The following RCAN1 variants were observed in gnomAD, a reference collection of about 807,000 sequenced individuals.
The protein encoded by RCAN1 is calcipressin-1.
RCAN1 carries 11 observed loss-of-function variants against 22.9 expected under a neutral mutation model. The observed-to-expected ratio is 0.48, with a 90% CI of 0.30 to 0.79. RCAN1 has a LOEUF of 0.79. Among genes scored for constraint, RCAN1 ranks in the 30% least tolerant of loss-of-function variants. The pLI is 0.06. For synonymous variants in RCAN1, 136 were observed against 142.3 expected (o/e 0.96, Z 0.32); for missense variants, 291 against 337.8 (o/e 0.86, Z 1.09).
intron 1 of RCAN1, among the ~76,000 whole-genome samples, chr21:34,605,945 A>G (rs982335431): frequency 2.7e-5 from 4 of 150,498 alleles, no homozygotes; most frequent in African/African-American, 4.9e-5. Flanking sequence ...AAAAAAGATG[A>G]TGAGCAGCAC....
chr21:34,610,793 T>C (rs773791822), intron 1 of RCAN1, among the ~76,000 whole-genome samples: 24 of 152,220 alleles, frequency 1.6e-4, no homozygotes, highest in Non-Finnish European at 3.1e-4. Context: ...TCTACTCACA[T>C]AAAGAATGGA....
chr21:34,567,034 T>A (rs1359220216), intron 1 of RCAN1, among the ~76,000 whole-genome samples: 1 of 152,066 alleles, frequency 6.6e-6, no homozygotes, highest in Non-Finnish European at 1.5e-5. Context: ...GGGACAAACA[T>A]CCAAACTACA....
intron 1 of RCAN1, among the ~76,000 whole-genome samples, chr21:34,541,090 C>A (rs1322060211): frequency 6.6e-6 from 1 of 152,188 alleles, no homozygotes; most frequent in African/African-American, 2.4e-5. Context: ...TCTGTCCCTA[C>A]AGGGGCTTAA....
intron 1 of RCAN1, among the ~76,000 whole-genome samples, chr21:34,588,152 G>C (rs1394139338): frequency 6.6e-6 from 1 of 152,172 alleles, no homozygotes; most frequent in Non-Finnish European, 1.5e-5. Flanking sequence ...GAACGCTGTA[G>C]TCAATAAGCA....
chr21:34,558,253 T>C (rs1049123999), intron 1 of RCAN1, among the ~76,000 whole-genome samples: 7 of 152,166 alleles, frequency 4.6e-5, no homozygotes, highest in Non-Finnish European at 1.0e-4. Context: ...TGGGGTGCCC[T>C]GCTACCCGGT....
chr21:34,525,132 A>G, intron 1 of RCAN1: 1 of 1,550,550 alleles, frequency 6.4e-7, no homozygotes, highest in Non-Finnish European at 8.7e-7. Context: ...AGTGGGAGCG[A>G]GGATTCAGGA....
chr21:34,554,676 G>C (rs1207664640), intron 1 of RCAN1, among the ~76,000 whole-genome samples: 2 of 152,250 alleles, frequency 1.3e-5, no homozygotes, highest in Admixed American at 1.3e-4. Flanking sequence ...AGGCCTCTGA[G>C]TTTAGATAAA....
chr21:34,535,879 C>CA lies in RCAN1; in HGVS notation c.253-12170dup, dbSNP rs5843668. Among the ~76,000 whole-genome samples, 52 of 113,634 alleles carry CA rather than the reference C, an allele frequency of 4.6e-4. 1 individual carries two copies. Among genetic ancestry groups the CA allele is most frequent in the Non-Finnish European group, 7.5e-4 (36 of 47,892 alleles). The allele number at this position is 113,634 out of a possible 152,430, so 74.5% of individuals were successfully genotyped here. On this transcript the variant is annotated intron_variant, in intron 1 of 3. Transcript: ENST00000313806. ...TCATGATCTGTTAACACAGTAGAAA[C>CA]AAAAAAAAAATCCAAGTATAAAGAA... is the stretch of plus-strand genomic sequence containing the variant.
chr21:34,523,308 A>G (rs1189413282), intron 2 of RCAN1, among the ~76,000 whole-genome samples: 1 of 152,128 alleles, frequency 6.6e-6, no homozygotes, highest in East Asian at 1.9e-4. Flanking sequence ...TTCCCCCATC[A>G]TTATCAACCC....
At chr21:34,570,706 T>C (rs1012806058) in intron 1 of RCAN1, among the ~76,000 whole-genome samples, 1 of 151,616 alleles carries the variant, frequency 6.6e-6, no homozygotes, top group Non-Finnish European at 1.5e-5. Flanking sequence ...ATCAACCCAG[T>C]AACACTACGA....
chr21:34,521,251 C>A (rs1197181001), intron 3 of RCAN1: 3 of 1,435,008 alleles, frequency 2.1e-6, no homozygotes, highest in African/African-American at 2.9e-5. Flanking sequence ...TGGGACACTG[C>A]GGGGGGTGGA....
In RCAN1 at chr21:34,614,046, A is replaced by C. The variant is rs1988752080; in HGVS notation, c.252+714T>G. On this transcript the variant is annotated intron_variant, in intron 1 of 3. Transcript: ENST00000313806. The surrounding 1 kb of genome is among the most constrained non-coding windows in gnomAD (Gnocchi z 6.0). ...TATTGATTACTCATACCTGCCCCTC[A>C]CCCTCCAAAGTGTCTAAATTGTGTG... Among the ~76,000 whole-genome samples, 1 of 151,852 alleles carries C rather than the reference A, an allele frequency of 6.6e-6. No homozygotes were observed. The highest frequency in any genetic ancestry group is 1.5e-5 in the Non-Finnish European group (1 of 67,954).
intron 1 of RCAN1, among the ~76,000 whole-genome samples, chr21:34,528,955 G>GAA (rs66502672): frequency 2.8e-5 from 4 of 145,012 alleles, no homozygotes; most frequent in African/African-American, 5.0e-5. Flanking sequence ...TATATGGATG[G>GAA]AAAAAAAAAA....
Position 34,525,066 on chromosome 21 carries a change from G to T in RCAN1, c.253-1356C>A, listed in dbSNP as rs1253113440. The T allele has an allele frequency of 1.6e-5, 25 of 1,550,304 alleles. No individual in the cohort carries two copies. The East Asian group carries it at 5.6e-4, about 35-fold the overall frequency. On this transcript the variant is annotated intron_variant, in intron 1 of 3. Coordinates refer to ENST00000313806, the MANE Select transcript of RCAN1 (RefSeq NM_004414.7). ...GCGCAGGGTGTGGATGGTAGGCAGCGCGGACAGAGCTCACTGAGGACCTTG... is the reference window on the plus strand; with the variant it reads ...GCGCAGGGTGTGGATGGTAGGCAGCTCGGACAGAGCTCACTGAGGACCTTG...
chr21:34,590,314 T>G (rs545082307), intron 1 of RCAN1, among the ~76,000 whole-genome samples: 2 of 152,312 alleles, frequency 1.3e-5, no homozygotes, highest in African/African-American at 2.4e-5. Flanking sequence ...CCCATGAAAA[T>G]GTGCACTCCA....
chr21:34,545,072 C>T lies in RCAN1; in HGVS notation c.253-21362G>A, dbSNP rs1986080069. ...GGGACCACGTCTCCCGAGTCCCATG[C>T]CTGCCATCATGGTGCGGGCTGGACC... On this transcript the variant is annotated intron_variant, in intron 1 of 3. Transcript: ENST00000313806. Among the ~76,000 whole-genome samples, 4 of 152,350 alleles carry T rather than the reference C, an allele frequency of 2.6e-5. No homozygotes were observed. In the South Asian group the frequency reaches 8.3e-4, roughly 32 times the overall value.
chr21:34,534,513 C>G (rs1227662002), intron 1 of RCAN1, among the ~76,000 whole-genome samples: 2 of 152,246 alleles, frequency 1.3e-5, no homozygotes, highest in African/African-American at 4.8e-5. Context: ...GCAGCTTATT[C>G]TGCAGCTCCC....
intron 1 of RCAN1, among the ~76,000 whole-genome samples, chr21:34,613,542 G>A (rs1219857452): frequency 6.6e-6 from 1 of 152,178 alleles, no homozygotes; most frequent in Non-Finnish European, 1.5e-5. Flanking sequence ...GCCGTCTTAC[G>A]TGACTTGACC....
intron 1 of RCAN1, among the ~76,000 whole-genome samples, chr21:34,610,810 T>A (rs1375680953): frequency 1.3e-5 from 2 of 152,212 alleles, no homozygotes; most frequent in Admixed American, 1.3e-4. Flanking sequence ...TGGAAGGATG[T>A]CACTTCTACT....
Sources: allele counts gnomAD v4.1 joint callset (sites outside exome capture counted in the v4.1 genomes callset), GRCh38; gene constraint gnomAD v4.1.1; non-coding constraint Gnocchi (gnomAD v3.1); transcripts MANE v1.5; gene names NCBI Gene and HGNC (gene_info 2026-07-23, HGNC 2026-07-21).